The following HS3ST4 variants were observed in gnomAD, a reference collection of about 807,000 sequenced individuals.
HS3ST4 encodes the protein heparan sulfate glucosamine 3-O-sulfotransferase 4.
In HS3ST4, 17 loss-of-function variants were observed where a neutral mutation model predicts 29.2. The observed-to-expected ratio is 0.58, with a 90% CI of 0.40 to 0.87. HS3ST4 has a LOEUF of 0.87. Among genes scored for constraint, HS3ST4 ranks in the 40% least tolerant of loss-of-function variants. The pLI, the probability that HS3ST4 is intolerant of heterozygous loss-of-function variation, is 0.00. For synonymous variants in HS3ST4, 314 were observed against 285.7 expected (o/e 1.10, Z -1.00); for missense variants, 627 against 634.5 (o/e 0.99, Z 0.13).
chr16:26,106,798 A>G (rs1020929202), intron 1 of HS3ST4, among the ~76,000 whole-genome samples: 1 of 152,238 alleles, frequency 6.6e-6, no homozygotes, highest in African/African-American at 2.4e-5. Context: ...AACTATTCCC[A>G]AGCCCTCTGC....
At chr16:25,759,852 T>A (rs1966778785) in intron 1 of HS3ST4, among the ~76,000 whole-genome samples, 2 of 151,822 alleles carry the variant, frequency 1.3e-5, no homozygotes, top group African/African-American at 2.4e-5. Context: ...ATGACACCAC[T>A]ACACTCCAGC....
chr16:25,958,032 A>T (rs1361270619), intron 1 of HS3ST4, among the ~76,000 whole-genome samples: 1 of 152,130 alleles, frequency 6.6e-6, no homozygotes, highest in Non-Finnish European at 1.5e-5. Context: ...AAGCTTGCTC[A>T]AGGTCACTGC....
At chr16:25,848,309 T>G (rs1217967188) in intron 1 of HS3ST4, among the ~76,000 whole-genome samples, 1 of 152,124 alleles carries the variant, frequency 6.6e-6, no homozygotes, top group African/African-American at 2.4e-5. Context: ...CGGCTAATTT[T>G]TTGTATCTTT....
chr16:25,696,962 A>G (rs1456202861), intron 1 of HS3ST4, among the ~76,000 whole-genome samples: 1 of 152,208 alleles, frequency 6.6e-6, no homozygotes, highest in Non-Finnish European at 1.5e-5. Context: ...CCGAGAGGGT[A>G]AATGATTAAC....
intron 1 of HS3ST4, among the ~76,000 whole-genome samples, chr16:25,778,928 G>A (rs1966850237): frequency 6.6e-6 from 1 of 152,128 alleles, no homozygotes; most frequent in Non-Finnish European, 1.5e-5. Context: ...CAGACTGTTA[G>A]TTTACCACAT....
intron 1 of HS3ST4, among the ~76,000 whole-genome samples, chr16:25,918,822 G>T (rs1968318506): frequency 6.6e-6 from 1 of 152,098 alleles, no homozygotes; most frequent in Non-Finnish European, 1.5e-5. Flanking sequence ...ACAAAAAGTT[G>T]CAAGAGAAGC....
chr16:25,984,661 C>T (rs1969043869), intron 1 of HS3ST4, among the ~76,000 whole-genome samples: 1 of 152,176 alleles, frequency 6.6e-6, no homozygotes, highest in South Asian at 2.1e-4. Context: ...TGAAAACATG[C>T]AGGAACTTTC....
intron 1 of HS3ST4, among the ~76,000 whole-genome samples, chr16:25,993,190 T>C (rs1252611928): frequency 6.6e-6 from 1 of 152,160 alleles, no homozygotes; most frequent in Non-Finnish European, 1.5e-5. Flanking sequence ...ATCATTGCTG[T>C]CATGGAATGC....
chr16:25,985,573 TC>T (rs1411050189), intron 1 of HS3ST4, among the ~76,000 whole-genome samples: 6 of 152,236 alleles, frequency 3.9e-5, no homozygotes, highest in Non-Finnish European at 4.4e-5. Context: ...CCCTTCCTAC[TC>T]TCTGGCTATT....
chr16:25,903,632 C>T (rs1051117607), intron 1 of HS3ST4, among the ~76,000 whole-genome samples: 1 of 152,082 alleles, frequency 6.6e-6, no homozygotes, highest in African/African-American at 2.4e-5. Flanking sequence ...TTTACCTCTT[C>T]TTTCTTCCTT....
intron 1 of HS3ST4, among the ~76,000 whole-genome samples, chr16:26,103,017 G>A (rs936182269): frequency 3.3e-5 from 5 of 152,134 alleles, no homozygotes; most frequent in Admixed American, 1.3e-4. Context: ...TTCTATGGGG[G>A]CTAGCCTAGG....
intron 1 of HS3ST4, among the ~76,000 whole-genome samples, chr16:26,010,816 T>G (rs1412517555): frequency 6.6e-6 from 1 of 152,220 alleles, no homozygotes; most frequent in African/African-American, 2.4e-5. Flanking sequence ...TTGCGATAAC[T>G]TATTAGAAAA....
chr16:26,054,879 C>A (rs1898388866), intron 1 of HS3ST4, among the ~76,000 whole-genome samples: 1 of 151,920 alleles, frequency 6.6e-6, no homozygotes, highest in Non-Finnish European at 1.5e-5. Context: ...CTACCTTTGA[C>A]CACAGAAAGG....
intron 1 of HS3ST4, among the ~76,000 whole-genome samples, chr16:25,969,470 A>G (rs1173236770): frequency 6.6e-6 from 1 of 152,240 alleles, no homozygotes; most frequent in African/African-American, 2.4e-5. Context: ...GTGGAGGCAC[A>G]GTCTGAAGTG....
At chr16:25,915,842 A>G (rs188487327) in intron 1 of HS3ST4, among the ~76,000 whole-genome samples, 55 of 152,328 alleles carry the variant, frequency 3.6e-4, no homozygotes, top group African/African-American at 1.2e-3. Flanking sequence ...CTTCTGCATT[A>G]AGATCAACAA....
chr16:25,724,965 A>G (rs1452899419), intron 1 of HS3ST4, among the ~76,000 whole-genome samples: 1 of 145,398 alleles, frequency 6.9e-6, no homozygotes, highest in African/African-American at 2.6e-5. Context: ...TCCCCTGGGG[A>G]GATTAGGTAT....
At chr16:25,819,677 C>T (rs1448653660) in intron 1 of HS3ST4, among the ~76,000 whole-genome samples, 2 of 151,902 alleles carry the variant, frequency 1.3e-5, no homozygotes, top group Non-Finnish European at 2.9e-5. Context: ...TCTTTAATAG[C>T]GGGAGGGATA....
At chr16:25,704,586 A>G (rs534723197) in intron 1 of HS3ST4, among the ~76,000 whole-genome samples, 1 of 152,168 alleles carries the variant, frequency 6.6e-6, no homozygotes, top group South Asian at 2.1e-4. Context: ...TAGTAGCTGG[A>G]CTATATAGGT....
intron 1 of HS3ST4, among the ~76,000 whole-genome samples, chr16:26,085,935 G>T (rs1396569467): frequency 6.6e-6 from 1 of 151,044 alleles, no homozygotes; most frequent in African/African-American, 2.5e-5. Flanking sequence ...AATAAACTTA[G>T]CCCAGCCAAG....
Sources: allele counts gnomAD v4.1 joint callset (sites outside exome capture counted in the v4.1 genomes callset), GRCh38; gene constraint gnomAD v4.1.1; transcripts MANE v1.5; gene names NCBI Gene and HGNC (gene_info 2026-07-23, HGNC 2026-07-21).